Variants in PFKFB3 observed in about 807,000 individuals in gnomAD.
The protein encoded by PFKFB3 is 6-phosphofructo-2-kinase/fructose-2,6-bisphosphatase 3.
In PFKFB3, 33 loss-of-function variants were observed where a neutral mutation model predicts 68.0. The ratio of observed to expected loss-of-function variants is 0.49; its 90% CI spans 0.37 to 0.65. The LOEUF (loss-of-function observed/expected upper bound fraction) is 0.65, where lower values mean the gene tolerates loss of function less well. Ranked by LOEUF, PFKFB3 falls within the 30% of genes least tolerant of loss-of-function variation. PFKFB3 has a pLI of 0.00. For synonymous variants in PFKFB3, 315 were observed against 288.2 expected, an observed-to-expected ratio of 1.09 and a Z score of -0.94; for missense variants, 586 against 712.2, an observed-to-expected ratio of 0.82 and a Z score of 2.02.
At chr10:6,167,654 C>T (rs1341876176) in intron 1 of PFKFB3, among the ~76,000 whole-genome samples, 1 of 152,192 alleles carries the variant, frequency 6.6e-6, no homozygotes, top group Non-Finnish European at 1.5e-5. Context: ...ACCAGCCAAA[C>T]CCTCTTCCTC....
intron 1 of PFKFB3, among the ~76,000 whole-genome samples, chr10:6,182,438 T>G (rs1357862105): frequency 6.6e-6 from 1 of 152,150 alleles, no homozygotes; most frequent in Non-Finnish European, 1.5e-5. Context: ...GCGGTCCTGG[T>G]GCTGCCGGCA....
chr10:6,174,645 A>G (rs1408567446), intron 1 of PFKFB3, among the ~76,000 whole-genome samples: 3 of 152,164 alleles, frequency 2.0e-5, no homozygotes, highest in Non-Finnish European at 1.5e-5. Flanking sequence ...GGTGAGAGCC[A>G]GGGTTGGGAC....
chr10:6,266,629 A>G, the PFKFB3 span, among the ~76,000 whole-genome samples: 1 of 152,240 alleles, frequency 6.6e-6, no homozygotes, highest in African/African-American at 2.4e-5. Context: ...ATATCTATAT[A>G]TGGTTGTATT....
chr10:6,261,816 G>A, the PFKFB3 span, among the ~76,000 whole-genome samples: 24 of 152,038 alleles, frequency 1.6e-4, no homozygotes, highest in East Asian at 3.9e-4. Context: ...CCAACATGGC[G>A]AAACTCCATC....
downstream of PFKFB3, among the ~76,000 whole-genome samples, chr10:6,255,375 C>T (rs1002374594): frequency 3.9e-5 from 6 of 152,300 alleles, no homozygotes; most frequent in South Asian, 2.1e-4. Flanking sequence ...CTGCCCACCT[C>T]GGCCTCCCAA....
chr10:6,319,684 T>TA, the PFKFB3 span, among the ~76,000 whole-genome samples: 21,149 of 150,558 alleles, frequency 0.14, 1,530 homozygotes, highest in Non-Finnish European at 0.17. Flanking sequence ...TGTAAAATTG[T>TA]AAAAAAAAAA....
the PFKFB3 span, among the ~76,000 whole-genome samples, chr10:6,291,247 A>G: frequency 7.6e-4 from 116 of 152,264 alleles, no homozygotes; most frequent in African/African-American, 2.6e-3. Context: ...TAATCCACAA[A>G]TGAAAAAAAA....
chr10:6,320,673 C>T, the PFKFB3 span, among the ~76,000 whole-genome samples: 5 of 152,176 alleles, frequency 3.3e-5, no homozygotes, highest in Admixed American at 2.6e-4. Context: ...GATCCTCCTG[C>T]CTCAGTTGCC....
chr10:6,233,223 C>A lies in PFKFB3; in HGVS notation c.*281C>A. 2.3e-6 allele frequency: 1 copy of A among 436,970 alleles called. No individual in the cohort carries two copies. The allele number at this position is 436,970 out of a possible 1,614,324, so 27.1% of individuals were successfully genotyped here. ...GAATGTCCAGCCTCGGAGACCTTCA[C>A]AAAGCCTTGGGAGGGTGATGAGTGC... is the stretch of plus-strand genomic sequence containing the variant. On this transcript the variant is annotated 3_prime_UTR_variant, in exon 15 of 15. Coordinates refer to ENST00000379775, the MANE Select transcript of PFKFB3 (RefSeq NM_004566.4).
At chr10:6,238,751 G>T (rs1846079881), downstream of PFKFB3, among the ~76,000 whole-genome samples, 1 of 151,948 alleles carries the variant, frequency 6.6e-6, no homozygotes, top group African/African-American at 2.4e-5. Flanking sequence ...CCCAGTGTGT[G>T]GTGTTCCCCT....
intron 1 of PFKFB3, among the ~76,000 whole-genome samples, chr10:6,175,338 C>T (rs1003582893): frequency 6.6e-6 from 1 of 152,200 alleles, no homozygotes; most frequent in Non-Finnish European, 1.5e-5. Flanking sequence ...CTTTCAGGTA[C>T]ACAGAGTGTT....
downstream of PFKFB3, among the ~76,000 whole-genome samples, chr10:6,257,375 A>G (rs1335504258): frequency 3.3e-5 from 5 of 152,224 alleles, no homozygotes; most frequent in African/African-American, 1.2e-4. Flanking sequence ...GGAAAAATAA[A>G]CAAGCACACG....
At chr10:6,256,541 T>G (rs1846498241), downstream of PFKFB3, among the ~76,000 whole-genome samples, 1 of 152,196 alleles carries the variant, frequency 6.6e-6, no homozygotes, top group Admixed American at 6.5e-5. Context: ...CAGGCTGCCA[T>G]GTGCATGGAG....
chr10:6,189,767 G>T (rs1318423506), intron 1 of PFKFB3, among the ~76,000 whole-genome samples: 2 of 151,978 alleles, frequency 1.3e-5, no homozygotes, highest in East Asian at 3.9e-4. Flanking sequence ...CGCCCGCCTC[G>T]GCCTCCCAGA....
chr10:6,183,524 C>T (rs1842776590), intron 1 of PFKFB3, among the ~76,000 whole-genome samples: 2 of 150,512 alleles, frequency 1.3e-5, no homozygotes, highest in Non-Finnish European at 2.9e-5. Context: ...TGTGGTGGCT[C>T]ATGCCTGTAA....
intron 1 of PFKFB3, among the ~76,000 whole-genome samples, chr10:6,211,248 C>A (rs1402342214): frequency 6.6e-6 from 1 of 152,188 alleles, no homozygotes; most frequent in African/African-American, 2.4e-5. Context: ...ATGTCTACTG[C>A]CAGAGGACAT....
intron 1 of PFKFB3, among the ~76,000 whole-genome samples, chr10:6,170,297 C>T (rs990280314): frequency 2.0e-5 from 3 of 152,126 alleles, no homozygotes; most frequent in African/African-American, 4.8e-5. Flanking sequence ...AATCTAGAAA[C>T]GAGAGAGAAC....
intron 13 of PFKFB3, 30 bp downstream of exon 13, chr10:6,224,243 C>A: frequency 6.2e-7 from 1 of 1,607,224 alleles, no homozygotes; most frequent in Non-Finnish European, 8.5e-7. Context: ...CTCATCCTGG[C>A]CATCATCACA....
chr10:6,205,388 C>CTTTTTTTTTTT lies in PFKFB3; in HGVS notation c.76+2064_76+2074dup, dbSNP rs3084014. Among the ~76,000 whole-genome samples, 8 of 106,542 alleles carry CTTTTTTTTTTT rather than the reference C, an allele frequency of 7.5e-5. 1 individual carries two copies. The highest frequency in any genetic ancestry group is 5.4e-5 in the Non-Finnish European group (3 of 55,816). The allele number at this position is 106,542 out of a possible 152,430, so 69.9% of individuals were successfully genotyped here. ...ACATTGGGTGGGTTTTTCTTTCTTC[C>CTTTTTTTTTTT]TTTTTTTTTTTTTTTTTTTTTTGAC... On this transcript the variant is annotated intron_variant, in intron 1 of 14. Coordinates refer to ENST00000379775, the MANE Select transcript of PFKFB3 (RefSeq NM_004566.4).
Sources: gnomAD v4.1 joint callset for allele counts (sites outside exome capture counted in the v4.1 genomes callset) on GRCh38, gnomAD v4.1.1 for gene constraint, MANE v1.5 for transcripts, NCBI Gene and HGNC (gene_info 2026-07-23, HGNC 2026-07-21) for gene names.